Variants in CCDC187 observed in about 807,000 individuals in gnomAD.
The protein encoded by CCDC187 is coiled-coil domain containing 187, also known as coiled-coil domain-containing protein 187.
A neutral mutation model predicts 38.0 loss-of-function variants in CCDC187; 32 were observed. The ratio of observed to expected loss-of-function variants is 0.84; its 90% CI spans 0.64 to 1.13. CCDC187 has a LOEUF of 1.13. Among genes scored for constraint, CCDC187 ranks in the 50% most tolerant of loss-of-function variants. The pLI is 0.00. For synonymous variants in CCDC187, 333 were observed against 347.9 expected (o/e 0.96, Z 0.48); for missense variants, 707 against 786.8 (o/e 0.90, Z 1.21).
At position 136,291,573 on chromosome 9, in the gene CCDC187, T is replaced by G. The variant is rs993473442; in HGVS notation, c.1040A>C (p.Tyr347Ser). The G allele has an allele frequency of 3.3e-5, 13 of 398,674 alleles. No homozygotes were observed. The highest frequency in any genetic ancestry group is 4.9e-5 in the Non-Finnish European group (11 of 226,168). 24.7% of individuals were successfully genotyped at this position (398,674 alleles called of 1,614,324 possible). A position where few individuals can be genotyped will look rare whatever the true frequency, so the allele number is the denominator to read the frequency against. Residue 347 changes from tyrosine (Y) to serine (S), a missense_variant, in exon 6 of 26, where the codon TAC (tyrosine) becomes TCC (serine). Coordinates refer to ENST00000638797, the MANE Select transcript of CCDC187 (RefSeq NM_001378188.1). The stretch of plus-strand genomic sequence containing the variant: ...GTTCCCAGACACCTGCTGGTCACTG[T>G]AGGCGGAGGTGGCATCGGGCAACTG... ...CAQLPDATSAYSDQQVSGNTP... is the reference protein window; with the variant it reads ...CAQLPDATSASSDQQVSGNTP...
Position 136,286,269 on chromosome 9 carries a change from TGGGGTGGCAAGCGTG to T in CCDC187, c.2634_2648del (p.Thr879_Pro883del), listed in dbSNP as rs1831177560. On this transcript the variant is annotated inframe_deletion, in exon 8 of 26. Transcript: ENST00000638797. ...TGGGCCCCAAGGCTCCAGGGCAGGC[TGGGGTGGCAAGCGTG>T]GGGGTGGCGAGCGTGGGGGCGGCAG... is the stretch of plus-strand genomic sequence containing the variant. 2 of 398,432 alleles carry T rather than the reference TGGGGTGGCAAGCGTG, an allele frequency of 5.0e-6. No individual in the cohort carries two copies. Among genetic ancestry groups the T allele is most frequent in the Non-Finnish European group, 8.8e-6 (2 of 225,996 alleles). The allele number at this position is 398,432 out of a possible 1,614,324, so 24.7% of individuals were successfully genotyped here.
chr9:136,293,239 ACACT>A (rs1185397713), intron 4 of CCDC187, among the ~76,000 whole-genome samples: 3 of 144,634 alleles, frequency 2.1e-5, no homozygotes, highest in South Asian at 2.1e-4. Flanking sequence ...TCACACGCTC[ACACT>A]CACATGCTTA....
Position 136,268,036 on chromosome 9 carries a change from C to G in CCDC187, c.3519+13G>C. The G allele has an allele frequency of 1.0e-6, 1 of 985,448 alleles. No individual in the cohort carries two copies. Among genetic ancestry groups the G allele is most frequent in the Non-Finnish European group, 1.2e-6 (1 of 829,924 alleles). 61.0% of individuals were successfully genotyped at this position (985,448 alleles called of 1,614,324 possible). The stretch of plus-strand genomic sequence containing the variant: ...GAAATTGTGCCTCTCCCCCAGGGGA[C>G]CTCTCCACGTACCTGGTGGGTGGGG... On this transcript the variant is annotated intron_variant, in intron 15 of 25. Coordinates refer to ENST00000638797, the MANE Select transcript of CCDC187 (RefSeq NM_001378188.1).
rs1030278879 is a variant in CCDC187, at chr9:136,286,359, G to A, written c.2559C>T (p.Thr853=). The A allele has an allele frequency of 6.4e-3, 2,562 of 398,656 alleles. 82 individuals are homozygous for A. The highest frequency in any genetic ancestry group is 0.048 in the African/African-American group (2,348 of 48,756). The allele number at this position is 398,656 out of a possible 1,614,324, so 24.7% of individuals were successfully genotyped here. ...AKLQGAEALD[T]VRDPAVGLLR... is the part of the protein sequence containing the mutation. ...GCAGGCCCACAGCTGGGTCCCTGACGGTGTCCAGCGCTTCGGCACCCTGCA... is the reference window on the plus strand; with the variant it reads ...GCAGGCCCACAGCTGGGTCCCTGACAGTGTCCAGCGCTTCGGCACCCTGCA... The change falls in exon 8 of 26, where the codon ACC becomes ACT. Residue 853 remains threonine, a synonymous_variant. Coordinates refer to ENST00000638797, the MANE Select transcript of CCDC187 (RefSeq NM_001378188.1).
At chr9:136,283,623 A>G (rs955332169) in intron 9 of CCDC187, among the ~76,000 whole-genome samples, 22,178 of 152,268 alleles carry the variant, frequency 0.15, 1,916 homozygotes, top group Admixed American at 0.22. Flanking sequence ...TCCAGTGCCC[A>G]GCCCTGATGG....
intron 9 of CCDC187, among the ~76,000 whole-genome samples, chr9:136,282,794 G>A (rs1831077485): frequency 6.6e-6 from 1 of 152,246 alleles, no homozygotes; most frequent in East Asian, 1.9e-4. Context: ...TGCTGCAGGG[G>A]AGCTGGACGT....
At position 136,258,153 on chromosome 9, in the gene CCDC187, C is replaced by G. The variant is rs1830637150; in HGVS notation, c.4366+779G>C. On this transcript the variant is annotated intron_variant, in intron 22 of 25. Transcript: ENST00000638797. This position sits in a 1 kb window ranked among gnomAD's most constrained non-coding sequence, Gnocchi z 4.3. ...ACGCGGGACACAGAGGGAAAGCGCT[C>G]TGTATTCACTCCGCCTCCCAGTGTC... Among the ~76,000 whole-genome samples the G allele has an allele frequency of 6.6e-6, 1 of 152,186 alleles. No individual in the cohort carries two copies.
intron 15 of CCDC187, 131 bp downstream of exon 15, chr9:136,267,918 C>G (rs1349200644): frequency 1.0e-6 from 1 of 985,392 alleles, no homozygotes; most frequent in African/African-American, 1.7e-5. Context: ...ACGCGATCGC[C>G]GGAAGAACCT....
chr9:136,289,519 A>T, intron 7 of CCDC187, among the ~76,000 whole-genome samples: 1 of 18,118 alleles, frequency 5.5e-5, no homozygotes, highest in Non-Finnish European at 1.4e-4. Flanking sequence ...ACTCCATCTC[A>T]AAAAAAAAAA....
intron 10 of CCDC187, among the ~76,000 whole-genome samples, chr9:136,278,417 G>A (rs888195408): frequency 1.3e-5 from 2 of 152,190 alleles, no homozygotes; most frequent in African/African-American, 2.4e-5. Flanking sequence ...CGGAGAAAGC[G>A]AGCCGTCCCC....
chr9:136,287,646 C>T (rs1469514386), intron 7 of CCDC187, among the ~76,000 whole-genome samples: 2 of 152,156 alleles, frequency 1.3e-5, no homozygotes, highest in Non-Finnish European at 2.9e-5. Context: ...TCATTGTCTC[C>T]GCGATTGGCC....
In CCDC187 at chr9:136,301,580, A is replaced by C. The variant is rs1831683565; in HGVS notation, c.625+1232T>G. ...AGATGGTACATTTTATGTTATGCAT[A>C]CGTTACTTTTTTTTTTTTTTTTTTG... is the stretch of plus-strand genomic sequence containing the variant. On this transcript the variant is annotated intron_variant, in intron 2 of 25. Coordinates refer to ENST00000638797, the MANE Select transcript of CCDC187 (RefSeq NM_001378188.1). 2.2e-5 allele frequency among the ~76,000 whole-genome samples: 3 copies of C among 136,314 alleles called. No homozygotes were observed. In the South Asian group the frequency reaches 7.1e-4, roughly 32 times the overall value. 89.4% of individuals were successfully genotyped at this position (136,314 alleles called of 152,430 possible). A position where few individuals can be genotyped will look rare whatever the true frequency, so the allele number is the denominator to read the frequency against.
At chr9:136,268,217 G>T in intron 14 of CCDC187, 92 bp from the exon 15 acceptor site, 1 of 824,684 alleles carries the variant, frequency 1.2e-6, no homozygotes, top group Non-Finnish European at 1.5e-6. Flanking sequence ...ATAAAAGTAG[G>T]AGGTCTAGGG....
chr9:136,274,440 C>T (rs782313839), intron 14 of CCDC187, among the ~76,000 whole-genome samples: 3 of 152,256 alleles, frequency 2.0e-5, no homozygotes, highest in Non-Finnish European at 2.9e-5. Context: ...TCAAGCGATG[C>T]CAGGGGCTAG....
At chr9:136,302,615 G>A (rs1252838319) in intron 2 of CCDC187, among the ~76,000 whole-genome samples, 197 bp downstream of exon 2, 5 of 152,136 alleles carry the variant, frequency 3.3e-5, no homozygotes, top group African/African-American at 4.8e-5. Context: ...CTCCTCTGTC[G>A]TCTCCAGGGA....
chr9:136,296,612 C>T (rs1831541729), intron 4 of CCDC187: 1 of 152,292 alleles, frequency 6.6e-6, no homozygotes. Context: ...GCACTGGCCA[C>T]TCCCCTGACC....
chr9:136,292,104 C>T, intron 5 of CCDC187, 57 bp downstream of exon 5: 1 of 398,614 alleles, frequency 2.5e-6, no homozygotes, highest in Non-Finnish European at 4.4e-6. Flanking sequence ...CTTCTCTGTG[C>T]CCGCCCCCAG....
chr9:136,269,555 G>A (rs1006911865), intron 14 of CCDC187, among the ~76,000 whole-genome samples: 11 of 152,192 alleles, frequency 7.2e-5, no homozygotes, highest in Non-Finnish European at 1.6e-4. Flanking sequence ...GGCTGAGGCA[G>A]GGGAATTGCT....
intron 4 of CCDC187, among the ~76,000 whole-genome samples, chr9:136,293,001 ACACCAGCCC>A (rs1162549877): frequency 3.2e-4 from 49 of 152,336 alleles, no homozygotes; most frequent in Admixed American, 3.1e-3. Flanking sequence ...ACCGATGCCA[ACACCAGCCC>A]CACCAGCCCC....
Sources: gnomAD v4.1 joint callset for allele counts (sites outside exome capture counted in the v4.1 genomes callset) on GRCh38, gnomAD v4.1.1 for gene constraint, Gnocchi (gnomAD v3.1) non-coding constraint, MANE v1.5 for transcripts, NCBI Gene and HGNC (gene_info 2026-07-23, HGNC 2026-07-21) for gene names.